The following CNTLN variants were observed in gnomAD, a reference collection of about 807,000 sequenced individuals.
CNTLN encodes centlein, centrosomal protein.
A neutral mutation model predicts 180.0 loss-of-function variants in CNTLN; 212 were observed. The ratio of observed to expected loss-of-function variants is 1.18; its 90% confidence interval spans 1.05 to 1.32. CNTLN has a LOEUF of 1.32. CNTLN is among the 40% of genes most tolerant of loss of function. The pLI, the probability that CNTLN is intolerant of heterozygous loss-of-function variation, is 0.00. For synonymous variants in CNTLN, 722 were observed against 563.1 expected (o/e 1.28, Z -3.99); for missense variants, 2,095 against 1,610.9 (o/e 1.30, Z -5.14).
chr9:17,467,385 T>A (rs560241729), intron 23 of CNTLN, among the ~76,000 whole-genome samples: 14 of 151,632 alleles, frequency 9.2e-5, no homozygotes, highest in African/African-American at 3.4e-4. Context: ...CTAGAAATTA[T>A]CTAAAAGCTG....
At chr9:17,257,715 C>G (rs958637689) in intron 5 of CNTLN, among the ~76,000 whole-genome samples, 13 of 151,480 alleles carry the variant, frequency 8.6e-5, no homozygotes, top group Admixed American at 6.6e-4. Context: ...ATTTGCATTT[C>G]TCTGATGGCC....
chr9:17,226,228 G>A lies in CNTLN; in HGVS notation c.475G>A (p.Asp159Asn). Reference protein sequence around the residue: ...EREKQKSEAKDRKVLEILQVK... With the variant: ...EREKQKSEAKNRKVLEILQVK... ...AGAAAAACAGAAATCTGAAGCTAAA[G>A]ACAGAAAAGTTCTAGAAATTCTGCA... The change falls in exon 3 of 26, where the codon GAC becomes AAC. Residue 159 changes from aspartate (D) to asparagine (N), a missense_variant. Physicochemically the swap from Asp to Asn is conservative, Grantham distance 23 (BLOSUM62 1). Transcript: ENST00000380647. 6.3e-7 allele frequency: 1 copy of A among 1,579,746 alleles called. No homozygotes were observed. Among genetic ancestry groups the A allele is most frequent in the Non-Finnish European group, 8.6e-7 (1 of 1,162,768 alleles).
At chr9:17,226,647 C>A (rs4272490) in intron 3 of CNTLN, among the ~76,000 whole-genome samples, 46,749 of 151,722 alleles carry the variant, frequency 0.31, 9,622 homozygotes, top group East Asian at 0.61. Context: ...AATTGAGATC[C>A]TATTATTTAC....
chr9:17,506,217 A>G (rs55707538), downstream of CNTLN, among the ~76,000 whole-genome samples: 8,228 of 152,156 alleles, frequency 0.054, 585 homozygotes, highest in African/African-American at 0.16. Flanking sequence ...GATTTGGTGA[A>G]GAATTTCTAG....
At chr9:17,153,987 G>A (rs1477830245) in intron 2 of CNTLN, among the ~76,000 whole-genome samples, 1 of 152,110 alleles carries the variant, frequency 6.6e-6, no homozygotes, top group Non-Finnish European at 1.5e-5. Flanking sequence ...TTCTCATGCT[G>A]TGTTTTTCAG....
intron 12 of CNTLN, among the ~76,000 whole-genome samples, chr9:17,344,254 CTT>C (rs529439800): frequency 2.6e-4 from 40 of 152,260 alleles, no homozygotes; most frequent in South Asian, 8.3e-4. Flanking sequence ...AATATTTGCA[CTT>C]TACAAATAGC....
At chr9:17,259,823 C>T (rs1458810514) in intron 5 of CNTLN, among the ~76,000 whole-genome samples, 2 of 142,696 alleles carry the variant, frequency 1.4e-5, no homozygotes, top group Non-Finnish European at 3.0e-5. Context: ...CTGGTGATAT[C>T]CCCTTTATCA....
intron 2 of CNTLN, among the ~76,000 whole-genome samples, chr9:17,193,131 T>C (rs562332932): frequency 8.5e-5 from 13 of 152,174 alleles, no homozygotes; most frequent in Admixed American, 2.6e-4. Flanking sequence ...CTACAACCTG[T>C]GGGAATTATG....
At position 17,406,842 on chromosome 9, in the gene CNTLN, G is replaced by A. The variant is rs544884237; in HGVS notation, c.2616-2451G>A. ...GCACTCTGCCCCATCACTAAGACAC[G>A]TCTCCCTCCTTCTGCCCCTGCCCAC... On this transcript the variant is annotated intron_variant, in intron 15 of 25. Transcript: ENST00000380647. 1.5e-4 allele frequency among the ~76,000 whole-genome samples: 23 copies of A among 151,656 alleles called. 2 individuals are homozygous for A. Among genetic ancestry groups the A allele is most frequent in the African/African-American group, 5.6e-4 (23 of 41,104 alleles).
intron 18 of CNTLN, among the ~76,000 whole-genome samples, chr9:17,430,842 G>C (rs1450605580): frequency 6.6e-6 from 1 of 152,086 alleles, no homozygotes; most frequent in Non-Finnish European, 1.5e-5. Flanking sequence ...TTATCATAAT[G>C]TCCCTCAGTT....
intron 6 of CNTLN, among the ~76,000 whole-genome samples, chr9:17,274,714 A>G (rs113292272): frequency 0.011 from 1,605 of 152,200 alleles, 30 homozygotes; most frequent in African/African-American, 0.036. Context: ...CATCACTGCC[A>G]TTCTGGTACA....
chr9:17,260,452 G>A (rs57111704), intron 5 of CNTLN, among the ~76,000 whole-genome samples: 3,848 of 151,390 alleles, frequency 0.025, 279 homozygotes, highest in East Asian at 0.25. Context: ...TGTATATTCT[G>A]TATGTCTTCT....
chr9:17,313,558 A>T (rs1212894611), intron 8 of CNTLN, among the ~76,000 whole-genome samples: 1 of 151,934 alleles, frequency 6.6e-6, no homozygotes, highest in Non-Finnish European at 1.5e-5. Context: ...CCAAGATTTT[A>T]ACTTTTGACT....
intron 2 of CNTLN, among the ~76,000 whole-genome samples, chr9:17,181,978 G>C (rs1451034375): frequency 6.6e-6 from 1 of 152,150 alleles, no homozygotes; most frequent in Non-Finnish European, 1.5e-5. Context: ...GGGGAGCAGG[G>C]GCTGGAGGAG....
intron 2 of CNTLN, among the ~76,000 whole-genome samples, chr9:17,179,907 A>T (rs571536514): frequency 6.6e-6 from 1 of 152,126 alleles, no homozygotes; most frequent in South Asian, 2.1e-4. Flanking sequence ...AGATTCTTTT[A>T]TCATTGTATA....
At chr9:17,238,732 A>G (rs963662968) in intron 5 of CNTLN, among the ~76,000 whole-genome samples, 1 of 152,150 alleles carries the variant, frequency 6.6e-6, no homozygotes, top group Non-Finnish European at 1.5e-5. Flanking sequence ...TTTATCTTTT[A>G]TTACTGGGAT....
intron 2 of CNTLN, among the ~76,000 whole-genome samples, chr9:17,172,757 A>C (rs1041860266): frequency 6.6e-6 from 1 of 152,204 alleles, no homozygotes; most frequent in African/African-American, 2.4e-5. Context: ...GGTCAAATAT[A>C]AACTTCTAGG....
At chr9:17,185,091 T>C (rs1276863032) in intron 2 of CNTLN, among the ~76,000 whole-genome samples, 1 of 152,220 alleles carries the variant, frequency 6.6e-6, no homozygotes, top group African/African-American at 2.4e-5. Flanking sequence ...GGTGTGAATG[T>C]TTTCATTATA....
At chr9:17,216,271 G>A (rs1823748230) in intron 2 of CNTLN, among the ~76,000 whole-genome samples, 1 of 152,120 alleles carries the variant, frequency 6.6e-6, no homozygotes, top group African/African-American at 2.4e-5. Context: ...TGTAATCCTG[G>A]CTTGCTAGTT....
Sources: gnomAD v4.1 joint callset for allele counts (sites outside exome capture counted in the v4.1 genomes callset) on GRCh38, gnomAD v4.1.1 for gene constraint, MANE v1.5 for transcripts, NCBI Gene and HGNC (gene_info 2026-07-23, HGNC 2026-07-21) for gene names.